The following PPP2R2C variants were observed in gnomAD, a reference collection of about 807,000 sequenced individuals.
PPP2R2C encodes protein phosphatase 2, regulatory subunit B, gamma.
A neutral mutation model predicts 45.3 loss-of-function variants in PPP2R2C; 10 were observed. That is an observed-to-expected ratio of 0.22 (90% CI 0.14 to 0.37). The LOEUF is 0.37. Ranked by LOEUF, PPP2R2C falls within the 10% of genes least tolerant of loss-of-function variation. The pLI, the probability that PPP2R2C is intolerant of heterozygous loss-of-function variation, is 1.00. For missense variants in PPP2R2C, 308 were observed against 619.7 expected, an observed-to-expected ratio of 0.50 and a Z score of 5.34; for synonymous variants, 257 against 245.4, an observed-to-expected ratio of 1.05 and a Z score of -0.44.
chr4:6,552,751 G>C (rs1277455238), intron 1 of PPP2R2C, among the ~76,000 whole-genome samples: 1 of 152,156 alleles, frequency 6.6e-6, no homozygotes, highest in Non-Finnish European at 1.5e-5. Flanking sequence ...ATTAGAATGT[G>C]GACATCTTTG....
chr4:6,390,397 A>G lies in PPP2R2C; in HGVS notation c.71-9303T>C, dbSNP rs569497594. On this transcript the variant is annotated intron_variant, in intron 1 of 8. Coordinates refer to ENST00000382599, the MANE Select transcript of PPP2R2C (RefSeq NM_020416.4). ...CTGACAGCTGTGAGCAGCTGTAATCACCCACCAAGCACACTCAGAGTGGGC... is the reference window on the plus strand; with the variant it reads ...CTGACAGCTGTGAGCAGCTGTAATCGCCCACCAAGCACACTCAGAGTGGGC... Among the ~76,000 whole-genome samples the G allele has an allele frequency of 6.0e-4, 92 of 152,250 alleles. No homozygotes were observed. In the South Asian group the frequency reaches 9.3e-3, roughly 15 times the overall value.
At position 6,332,819 on chromosome 4, in the gene PPP2R2C, G is replaced by A. The variant is rs566158117; in HGVS notation, c.960+743C>T. Among the ~76,000 whole-genome samples the A allele has an allele frequency of 1.6e-4, 24 of 152,164 alleles. No individual in the cohort carries two copies. The highest frequency in any genetic ancestry group is 3.4e-3 in the Middle Eastern group (1 of 294). On this transcript the variant is annotated intron_variant, in intron 7 of 8. Coordinates refer to ENST00000382599, the MANE Select transcript of PPP2R2C (RefSeq NM_020416.4). This position sits in a 1 kb window ranked among gnomAD's most constrained non-coding sequence, Gnocchi z 4.9. ...AGGAACCGGCTGGGGTTTCTGGTGG[G>A]GTGTTTTCCCACCCATGTTTGCACG...
intron 1 of PPP2R2C, among the ~76,000 whole-genome samples, chr4:6,411,955 G>A (rs1048824856): frequency 5.3e-5 from 8 of 152,160 alleles, no homozygotes; most frequent in East Asian, 1.9e-4. Context: ...AGTAATTAAC[G>A]ATTAAATGAG....
intron 2 of PPP2R2C, among the ~76,000 whole-genome samples, chr4:6,523,789 T>A (rs1437227924): frequency 2.6e-5 from 4 of 152,208 alleles, no homozygotes; most frequent in African/African-American, 9.6e-5. Context: ...GCCTTATTCA[T>A]AATGGCCAAA....
At chr4:6,535,188 G>T (rs968279721) in intron 2 of PPP2R2C, 3 of 1,427,928 alleles carry the variant, frequency 2.1e-6, no homozygotes, top group Non-Finnish European at 2.9e-6. Context: ...TCAGGCTGGC[G>T]CTGTGTCGGG....
chr4:6,458,538 A>G lies in PPP2R2C; in HGVS notation c.70+13622T>C, dbSNP rs113907924. On this transcript the variant is annotated intron_variant, in intron 1 of 8. Coordinates refer to ENST00000382599, the MANE Select transcript of PPP2R2C (RefSeq NM_020416.4). ...CTCCCAAAGTCCCCACCTTTTAAAT[A>G]CCCTCACATTGGGGGTCTGGATTTC... Among the ~76,000 whole-genome samples, 1,216 of 152,192 alleles carry G rather than the reference A, an allele frequency of 8.0e-3. 9 individuals are homozygous for G. The highest frequency in any genetic ancestry group is 0.027 in the Middle Eastern group (8 of 294).
intron 1 of PPP2R2C, among the ~76,000 whole-genome samples, chr4:6,389,493 C>T (rs1716451898): frequency 6.6e-6 from 1 of 152,158 alleles, no homozygotes. Flanking sequence ...AGGAGGGGTC[C>T]GCCTGCTGCC....
Position 6,378,649 on chromosome 4 carries a change from G to A in PPP2R2C, c.169-77C>T. ...GGCTAGGACCTCCGGGGACCCAGCA[G>A]GGCCGGCCGTGGGACCAAGTGCCGA... On this transcript the variant is annotated intron_variant, in intron 2 of 8. Transcript: ENST00000382599. The surrounding 1 kb of genome is among the most constrained non-coding windows in gnomAD (Gnocchi z 5.2). The A allele has an allele frequency of 6.7e-7, 1 of 1,490,566 alleles. No individual in the cohort carries two copies. The highest frequency in any genetic ancestry group is 9.1e-7 in the Non-Finnish European group (1 of 1,104,132). 92.3% of individuals were successfully genotyped at this position (1,490,566 alleles called of 1,614,324 possible).
chr4:6,535,321 C>A (rs1458569295), exon 2 of PPP2R2C: 1 of 1,535,362 alleles, frequency 6.5e-7, no homozygotes, highest in Non-Finnish European at 8.7e-7. Flanking sequence ...CTCACGCATC[C>A]TGAGAGAGGT....
chr4:6,466,209 G>A (rs1449514106), intron 1 of PPP2R2C, among the ~76,000 whole-genome samples: 1 of 152,188 alleles, frequency 6.6e-6, no homozygotes, highest in Non-Finnish European at 1.5e-5. Context: ...TGCTGTGGGA[G>A]CCAATATGTG....
At chr4:6,421,195 G>C in intron 1 of PPP2R2C, 1 of 918,942 alleles carries the variant, frequency 1.1e-6, no homozygotes. Flanking sequence ...CCAATCAGAT[G>C]CTCCCACCTG....
intron 4 of PPP2R2C, among the ~76,000 whole-genome samples, chr4:6,375,379 T>G (rs1308684836): frequency 6.6e-6 from 1 of 152,144 alleles, no homozygotes; most frequent in African/African-American, 2.4e-5. Flanking sequence ...CCTCACACGG[T>G]CCAGGCTTCC....
chr4:6,431,295 T>C (rs995973751), intron 1 of PPP2R2C, among the ~76,000 whole-genome samples: 1 of 152,220 alleles, frequency 6.6e-6, no homozygotes, highest in Non-Finnish European at 1.5e-5. Flanking sequence ...ACAAGATGTC[T>C]GCTGGCTCTC....
chr4:6,498,533 A>G (rs1023276047), intron 2 of PPP2R2C, among the ~76,000 whole-genome samples: 1 of 152,246 alleles, frequency 6.6e-6, no homozygotes, highest in African/African-American at 2.4e-5. Flanking sequence ...CAAGGATTAA[A>G]AAAATAGCAA....
At chr4:6,548,649 C>G (rs777792927) in intron 1 of PPP2R2C, among the ~76,000 whole-genome samples, 1 of 152,176 alleles carries the variant, frequency 6.6e-6, no homozygotes, top group Non-Finnish European at 1.5e-5. Flanking sequence ...CTCAGCCAAC[C>G]GACAGCAAGC....
At chr4:6,468,904 G>C (rs898445699) in intron 1 of PPP2R2C, among the ~76,000 whole-genome samples, 1 of 151,330 alleles carries the variant, frequency 6.6e-6, no homozygotes, top group African/African-American at 2.4e-5. Context: ...GCACCCTCCA[G>C]GGTCCAGGGC....
intron 1 of PPP2R2C, among the ~76,000 whole-genome samples, chr4:6,414,530 C>T (rs1348671899): frequency 6.6e-6 from 1 of 152,058 alleles, no homozygotes; most frequent in African/African-American, 2.4e-5. Flanking sequence ...AACAACTGGT[C>T]ACTCAGGACA....
At chr4:6,511,558 GTGGTGGTGGTGGTGA>G (rs1723499259) in intron 2 of PPP2R2C, among the ~76,000 whole-genome samples, 2 of 63,510 alleles carry the variant, frequency 3.1e-5, no homozygotes, top group Non-Finnish European at 6.5e-5. Context: ...GGTGGTGGTG[GTGGTGGTGGTGGTGA>G]TGGCGGTGGT....
intron 2 of PPP2R2C, among the ~76,000 whole-genome samples, chr4:6,518,963 A>G (rs1442028264): frequency 2.0e-5 from 3 of 151,354 alleles, no homozygotes; most frequent in Non-Finnish European, 2.9e-5. Flanking sequence ...AGAATAGAAA[A>G]GAAAAGAGAA....
Sources: gnomAD v4.1 joint callset for allele counts (sites outside exome capture counted in the v4.1 genomes callset) on GRCh38, gnomAD v4.1.1 for gene constraint, Gnocchi (gnomAD v3.1) non-coding constraint, MANE v1.5 for transcripts, NCBI Gene and HGNC (gene_info 2026-07-23, HGNC 2026-07-21) for gene names.